Variants in SNTG1 observed in about 807,000 individuals in gnomAD.
SNTG1 encodes gamma-1-syntrophin.
A neutral mutation model predicts 74.7 loss-of-function variants in SNTG1; 39 were observed. The observed-to-expected ratio is 0.52, with a 90% CI of 0.40 to 0.68. The LOEUF (loss-of-function observed/expected upper bound fraction) is 0.68. SNTG1 is among the 30% of genes least tolerant of loss of function. The pLI, the probability that SNTG1 is intolerant of heterozygous loss-of-function variation, is 0.00. For missense variants in SNTG1, 685 were observed against 609.5 expected, an observed-to-expected ratio of 1.12 and a Z score of -1.30; for synonymous variants, 254 against 217.1, an observed-to-expected ratio of 1.17 and a Z score of -1.49.
At chr8:50,664,064 C>A (rs1333889983) in intron 15 of SNTG1, among the ~76,000 whole-genome samples, 1 of 152,228 alleles carries the variant, frequency 6.6e-6, no homozygotes, top group Non-Finnish European at 1.5e-5. Context: ...TAGAAATGTC[C>A]ATGTTACACG....
At chr8:50,166,835 C>T (rs1197459878) in intron 1 of SNTG1, among the ~76,000 whole-genome samples, 6 of 150,856 alleles carry the variant, frequency 4.0e-5, no homozygotes, top group East Asian at 1.9e-4. Context: ...ATGTTTATTG[C>T]GGCATTATTC....
rs375346020 is a variant in SNTG1, at chr8:50,216,909, C to G, written c.-28+44274C>G. ...ACTAAGAGGTTTGTTACATCAGAGA[C>G]TAGTCAACATACCAGATAGTATCCT... On this transcript the variant is annotated intron_variant, in intron 2 of 18. Transcript: ENST00000642720. Among the ~76,000 whole-genome samples, 3 of 151,752 alleles carry G rather than the reference C, an allele frequency of 2.0e-5. No homozygotes were observed. The East Asian group carries it at 5.8e-4, about 29-fold the overall frequency.
At chr8:49,977,004 A>T (rs1021058115) in intron 1 of SNTG1, among the ~76,000 whole-genome samples, 3 of 152,146 alleles carry the variant, frequency 2.0e-5, no homozygotes, top group African/African-American at 7.2e-5. Flanking sequence ...TGTGAGAAAA[A>T]AATGGATATA....
At chr8:49,985,899 A>T (rs78312991) in intron 1 of SNTG1, among the ~76,000 whole-genome samples, 6,995 of 152,228 alleles carry the variant, frequency 0.046, 544 homozygotes, top group African/African-American at 0.16. Context: ...TATATTTTAT[A>T]AGTACATATT....
chr8:50,351,610 C>T (rs1023603357), intron 2 of SNTG1, among the ~76,000 whole-genome samples: 2 of 152,008 alleles, frequency 1.3e-5, no homozygotes, highest in African/African-American at 4.8e-5. Context: ...AACACACATG[C>T]TGGAGTAAAA....
chr8:50,703,100 T>A (rs2095431701), intron 15 of SNTG1, among the ~76,000 whole-genome samples: 1 of 152,174 alleles, frequency 6.6e-6, no homozygotes. Flanking sequence ...TAGACTACAC[T>A]ACATTTATAA....
intron 9 of SNTG1, 47 bp from the exon 10 acceptor site, chr8:50,530,130 G>A: frequency 6.7e-7 from 1 of 1,494,366 alleles, no homozygotes; most frequent in South Asian, 1.1e-5. Context: ...AGTTTAGAAG[G>A]TTATGGCATT....
chr8:49,928,527 G>A (rs188418889), intron 1 of SNTG1, among the ~76,000 whole-genome samples: 89 of 152,072 alleles, frequency 5.9e-4, no homozygotes, highest in African/African-American at 2.1e-3. Flanking sequence ...CACCGCGACC[G>A]GCCAGAGATT....
At chr8:50,694,688 A>G (rs1563753419) in intron 15 of SNTG1, among the ~76,000 whole-genome samples, 1 of 152,100 alleles carries the variant, frequency 6.6e-6, no homozygotes, top group Non-Finnish European at 1.5e-5. Context: ...TCAACATAAT[A>G]CTAGCCAACC....
intron 1 of SNTG1, among the ~76,000 whole-genome samples, chr8:49,972,898 G>A (rs184162526): frequency 0.024 from 3,514 of 148,576 alleles, 131 homozygotes; most frequent in African/African-American, 0.082. Context: ...AAATAGGGAC[G>A]CTTTTACACT....
At position 49,978,282 on chromosome 8, in the gene SNTG1, A is replaced by G. The variant is rs529516024; in HGVS notation, c.-103+66051A>G. 1.2e-3 allele frequency among the ~76,000 whole-genome samples: 181 copies of G among 152,080 alleles called. 2 individuals are homozygous for G. The highest frequency in any genetic ancestry group is 1.1e-3 in the Non-Finnish European group (77 of 67,974). On this transcript the variant is annotated intron_variant, in intron 1 of 18. Coordinates refer to ENST00000642720, the MANE Select transcript of SNTG1 (RefSeq NM_018967.5). ...GAGAGAGACAGAAGGAGACAGAAGAAAGGGGGAAGAGGAGAGGAGAGGGAA... is the reference window on the plus strand; with the variant it reads ...GAGAGAGACAGAAGGAGACAGAAGAGAGGGGGAAGAGGAGAGGAGAGGGAA...
intron 8 of SNTG1, among the ~76,000 whole-genome samples, chr8:50,485,585 A>T (rs2093784907): frequency 6.7e-6 from 1 of 149,330 alleles, no homozygotes; most frequent in African/African-American, 2.5e-5. Context: ...TTGTCAGATG[A>T]GTAGGTTGCA....
At chr8:50,531,746 C>T (rs528976254) in intron 10 of SNTG1, among the ~76,000 whole-genome samples, 1 of 152,252 alleles carries the variant, frequency 6.6e-6, no homozygotes, top group East Asian at 1.9e-4. Flanking sequence ...GTGTCCCTCA[C>T]ACAAGAATCT....
rs369600054 is a variant in SNTG1 at position 50,413,839 on chromosome 8, G to A, written c.162+11495G>A. Among the ~76,000 whole-genome samples, 169 of 152,130 alleles carry A rather than the reference G, an allele frequency of 1.1e-3. 1 individual carries two copies. Among genetic ancestry groups the A allele is most frequent in the African/African-American group, 3.3e-3 (137 of 41,510 alleles). On this transcript the variant is annotated intron_variant, in intron 4 of 18. Transcript: ENST00000642720. ...CACTATCTCTCTCTTTGGTTACATT[G>A]AGTCTATCATTTAAACTATTTATTG...
At chr8:50,111,704 A>G (rs989266044) in intron 1 of SNTG1, among the ~76,000 whole-genome samples, 3 of 152,174 alleles carry the variant, frequency 2.0e-5, no homozygotes, top group South Asian at 2.1e-4. Flanking sequence ...ATCAGTATTT[A>G]CCAAGGCCCA....
chr8:50,410,857 C>A (rs1004711366), intron 4 of SNTG1, among the ~76,000 whole-genome samples: 1 of 152,154 alleles, frequency 6.6e-6, no homozygotes, highest in African/African-American at 2.4e-5. Flanking sequence ...TTTCCTCTGG[C>A]TGCATTATAG....
chr8:50,152,781 G>A (rs2082114308), intron 1 of SNTG1, among the ~76,000 whole-genome samples: 1 of 152,174 alleles, frequency 6.6e-6, no homozygotes, highest in African/African-American at 2.4e-5. Context: ...TCAGCTGTTA[G>A]TCTGATGGGT....
rs1054177242 is a variant in SNTG1 at position 50,747,497 on chromosome 8, A to T, written c.1285-4504A>T. On this transcript the variant is annotated intron_variant, in intron 17 of 18. Transcript: ENST00000642720. ...TATAAAAATTAATATTTAAGAACAC[A>T]TATAAAGTAAACTGGGTACTAGGAT... Among the ~76,000 whole-genome samples, 71 of 152,034 alleles carry T rather than the reference A, an allele frequency of 4.7e-4. 2 individuals carry two copies. Among genetic ancestry groups the T allele is most frequent in the Non-Finnish European group, 1.5e-5 (1 of 67,986 alleles).
chr8:50,224,749 C>A (rs2085243328), intron 2 of SNTG1, among the ~76,000 whole-genome samples: 1 of 152,106 alleles, frequency 6.6e-6, no homozygotes, highest in Admixed American at 6.5e-5. Flanking sequence ...CCAGCATTAA[C>A]ATTGAAACAG....
Sources: allele counts gnomAD v4.1 joint callset (sites outside exome capture counted in the v4.1 genomes callset), GRCh38; gene constraint gnomAD v4.1.1; transcripts MANE v1.5; gene names NCBI Gene and HGNC (gene_info 2026-07-23, HGNC 2026-07-21).